SPAG5: variants seen among roughly 807,000 people sequenced by gnomAD.
The protein encoded by SPAG5 is sperm associated antigen 5.
Under a neutral mutation model 145.4 loss-of-function variants are expected in SPAG5, and 99 were observed. The ratio of observed to expected loss-of-function variants is 0.68; its 90% CI spans 0.58 to 0.80. The LOEUF is 0.80. Ranked by LOEUF, SPAG5 falls within the 30% of genes least tolerant of loss-of-function variation. The pLI is 0.00. For missense variants in SPAG5, 1,192 were observed against 1,416.0 expected, an observed-to-expected ratio of 0.84 and a Z score of 2.54; for synonymous variants, 477 against 525.4, an observed-to-expected ratio of 0.91 and a Z score of 1.26.
Position 28,585,918 on chromosome 17 carries a change from T to C in SPAG5, c.1686A>G (p.Ala562=). 1 of 1,614,242 alleles carries C rather than the reference T, an allele frequency of 6.2e-7. No individual in the cohort carries two copies. The highest frequency in any genetic ancestry group is 8.5e-7 in the Non-Finnish European group (1 of 1,180,034). ...CTCTGTGCCTTGCCTCCTCCCTTTC[T>C]GCTTTGAGGCTCTGGAGCTTTGCCC... is the stretch of plus-strand genomic sequence containing the variant. The part of the protein sequence containing the change: ...KLRAKLQSLK[A]EREEARHREE... The change falls in exon 7 of 24, where the codon GCA becomes GCG. Residue 562 remains alanine, a synonymous_variant. Transcript: ENST00000321765.
At chr17:28,594,594 C>CA (rs2070647235) in intron 2 of SPAG5, among the ~76,000 whole-genome samples, 2 of 151,726 alleles carry the variant, frequency 1.3e-5, no homozygotes, top group African/African-American at 4.8e-5. Flanking sequence ...GACTCCGTCT[C>CA]AAAAAATAAT....
rs771403009 is a variant in SPAG5, at chr17:28,592,912, G to A, written c.332C>T (p.Thr111Ile). 1 of 1,614,088 alleles carries A rather than the reference G, an allele frequency of 6.2e-7. No individual in the cohort carries two copies. Among genetic ancestry groups the A allele is most frequent in the South Asian group, 1.1e-5 (1 of 91,094 alleles). ...PLDPIPQISS[T>I]PKTSEEAVDP... ...TACTGCTTCCTCAGACGTTTTAGGA[G>A]TAGAGCTAATTTGGGGAATTGGATC... The change falls in exon 3 of 24, where the codon ACT becomes ATT. Residue 111 changes from threonine to isoleucine, a missense_variant. Around this residue, in one of 5 missense-constraint regions of SPAG5, gnomAD observed 329 missense variants for 354.0 expected, o/e 0.93. Transcript: ENST00000321765.
chr17:28,594,371 G>A (rs538119894), intron 2 of SPAG5, among the ~76,000 whole-genome samples: 2 of 151,874 alleles, frequency 1.3e-5, no homozygotes, highest in African/African-American at 2.4e-5. Flanking sequence ...TGAGGCGGGC[G>A]GATCACGAGG....
chr17:28,578,147 CAG>C, intron 22 of SPAG5, 57 bp from the exon 23 acceptor site: 1 of 1,609,418 alleles, frequency 6.2e-7, no homozygotes, highest in Non-Finnish European at 8.5e-7. Context: ...CTTGGTAGGA[CAG>C]GGGAAACATG....
Position 28,578,269 on chromosome 17 carries a change from G to A in SPAG5, c.3378C>T (p.Phe1126=), listed in dbSNP as rs966974269. The change falls in exon 22 of 24, where the codon TTC becomes TTT. Residue 1126 remains phenylalanine, a synonymous_variant. Coordinates refer to ENST00000321765, the MANE Select transcript of SPAG5 (RefSeq NM_006461.4). ...TTTCCTTCTCATTTTTCATCTCCAGGAACATCACTCTCAGTTTGTCCACCT... is the reference window on the plus strand; with the variant it reads ...TTTCCTTCTCATTTTTCATCTCCAGAAACATCACTCTCAGTTTGTCCACCT... The part of the protein sequence containing the change: ...SQEVDKLRVM[F]LEMKNEKEKL... The A allele has an allele frequency of 3.1e-6, 5 of 1,614,036 alleles. No individual in the cohort carries two copies. In the African/African-American group the frequency reaches 6.7e-5, roughly 22 times the overall value.
At chr17:28,585,476 C>T (rs2070578393) in intron 8 of SPAG5, 58 bp downstream of exon 8, 2 of 1,613,084 alleles carry the variant, frequency 1.2e-6, no homozygotes, top group African/African-American at 2.7e-5. Flanking sequence ...TGGGAGTATG[C>T]AACTACCCTC....
In SPAG5 at chr17:28,598,988, G is replaced by A. The variant is rs374233952; in HGVS notation, c.-42C>T. The A allele has an allele frequency of 1.9e-6, 3 of 1,598,210 alleles. No homozygotes were observed. The highest frequency in any genetic ancestry group is 2.6e-6 in the Non-Finnish European group (3 of 1,165,804). On this transcript the variant is annotated 5_prime_UTR_variant, in exon 1 of 24. Transcript: ENST00000321765. ...GGCCTATCACGTCTCAGACCAAGTCGAGGACGCCATGTTCACCCGCCGTCT... is the reference window on the plus strand; with the variant it reads ...GGCCTATCACGTCTCAGACCAAGTCAAGGACGCCATGTTCACCCGCCGTCT...
At position 28,578,287 on chromosome 17, in the gene SPAG5, GTCCA is replaced by G. The variant is rs774705507; in HGVS notation, c.3356_3359del (p.Val1119AlafsTer3). On this transcript the variant is annotated frameshift_variant and splice_region_variant, in exon 22 of 24. Transcript: ENST00000321765. LOFTEE classifies it high-confidence loss of function. ...TCTCCAGGAACATCACTCTCAGTTTGTCCACCTAGAAATATGTCCAGATCAACAG... is the reference window on the plus strand; with the variant it reads ...TCTCCAGGAACATCACTCTCAGTTTGCCTAGAAATATGTCCAGATCAACAG... 1 of 1,614,066 alleles carries G rather than the reference GTCCA, an allele frequency of 6.2e-7. No individual in the cohort carries two copies. The highest frequency in any genetic ancestry group is 1.1e-5 in the South Asian group (1 of 91,080).
chr17:28,598,204 A>T (rs1423975643), intron 2 of SPAG5, among the ~76,000 whole-genome samples: 1 of 152,172 alleles, frequency 6.6e-6, no homozygotes, highest in Non-Finnish European at 1.5e-5. Flanking sequence ...ACCTTTCCGT[A>T]AGTGACCCCA....
intron 2 of SPAG5, among the ~76,000 whole-genome samples, chr17:28,594,317 C>T (rs897348401): frequency 3.9e-5 from 6 of 152,116 alleles, no homozygotes; most frequent in African/African-American, 7.2e-5. Context: ...TCAAACAGAC[C>T]GGGCGCAGTG....
intron 2 of SPAG5, 22 bp downstream of exon 2, chr17:28,598,485 GAGA>G (rs2070684479): frequency 6.2e-7 from 1 of 1,611,432 alleles, no homozygotes; most frequent in Non-Finnish European, 8.5e-7. Context: ...CAGCCCAGTC[GAGA>G]AGCTGTCCAG....
rs542342347 is a variant in SPAG5 at position 28,590,009 on chromosome 17, C to G, written c.1437+1689G>C. 2.0e-5 allele frequency among the ~76,000 whole-genome samples: 3 copies of G among 152,242 alleles called. No homozygotes were observed. The East Asian group carries it at 5.8e-4, about 29-fold the overall frequency. On this transcript the variant is annotated intron_variant, in intron 4 of 23. Coordinates refer to ENST00000321765, the MANE Select transcript of SPAG5 (RefSeq NM_006461.4). ...TAAAATTTCCTTTAAATTCCTTTGA[C>G]CGGAAGGCTTTAAAGTGAAAAAGCT... is the stretch of plus-strand genomic sequence containing the variant.
intron 4 of SPAG5, among the ~76,000 whole-genome samples, chr17:28,588,767 T>C (rs1186414267): frequency 1.3e-5 from 2 of 152,086 alleles, no homozygotes; most frequent in African/African-American, 2.4e-5. Context: ...CTGCAACCTC[T>C]ACCTCCTAGG....
Position 28,599,006 on chromosome 17 carries a change from C to T in SPAG5, c.-60G>A. The T allele has an allele frequency of 1.9e-6, 3 of 1,553,306 alleles. No homozygotes were observed. In the South Asian group the frequency reaches 3.3e-5, roughly 17 times the overall value. ...CCAAGTCGAGGACGCCATGTTCACC[C>T]GCCGTCTGTGTTTGAACCTGCTCTG... On this transcript the variant is annotated 5_prime_UTR_variant, in exon 1 of 24. Coordinates refer to ENST00000321765, the MANE Select transcript of SPAG5 (RefSeq NM_006461.4).
In SPAG5 at chr17:28,598,576, G is replaced by A. The variant is rs1219524358; in HGVS notation, c.111C>T (p.Thr37=). The change falls in exon 2 of 24, where the codon ACC becomes ACT. Residue 37 remains threonine (T), a synonymous_variant. Transcript: ENST00000321765. ...AAGCGGGGGATCTTTTTCCAGAGTT[G>A]GTGAGGGCACCGGGCTGCAGGGTAA... ...RELTLQPGAL[T]NSGKRSPACS... is the part of the protein sequence containing the mutation. 6.2e-7 allele frequency: 1 copy of A among 1,613,596 alleles called. No homozygotes were observed. Among genetic ancestry groups the A allele is most frequent in the African/African-American group, 1.3e-5 (1 of 74,864 alleles).
Position 28,580,067 on chromosome 17 carries a change from G to C in SPAG5, c.2739C>G (p.His913Gln), listed in dbSNP as rs2070540432. The change falls in exon 16 of 24, where the codon CAC becomes CAG. Residue 913 changes from histidine to glutamine, a missense_variant. His to Gln is a conservative substitution (Grantham distance 24). Coordinates refer to ENST00000321765, the MANE Select transcript of SPAG5 (RefSeq NM_006461.4). Reference sequence around the variant, plus strand: ...GGAAGGTCCTGTCATTAGGCAGAGGGTGTTCCTGGGTGGGAGGACAGGCTG... The same window carrying C: ...GGAAGGTCCTGTCATTAGGCAGAGGCTGTTCCTGGGTGGGAGGACAGGCTG... ...LSTACPPTQE[H>Q]PLPNDRTFLG... The C allele has an allele frequency of 6.2e-7, 1 of 1,614,070 alleles. No homozygotes were observed. Among genetic ancestry groups the C allele is most frequent in the South Asian group, 1.1e-5 (1 of 91,064 alleles).
intron 4 of SPAG5, among the ~76,000 whole-genome samples, chr17:28,589,161 C>T (rs1015825365): frequency 1.3e-5 from 2 of 148,888 alleles, no homozygotes; most frequent in African/African-American, 5.0e-5. Context: ...TGCAGTGGCG[C>T]GATCTTGGCT....
In SPAG5 at chr17:28,585,234, A is replaced by T; in HGVS notation, c.1954-19T>A. 1 of 1,612,736 alleles carries T rather than the reference A, an allele frequency of 6.2e-7. No homozygotes were observed. Among genetic ancestry groups the T allele is most frequent in the Non-Finnish European group, 8.5e-7 (1 of 1,178,704 alleles). Reference sequence around the variant, plus strand: ...TTGTATACTACCAGGGGAAGCAAGCAGGTCAGTAGAGCACACTTGAGGCAA... The same window carrying T: ...TTGTATACTACCAGGGGAAGCAAGCTGGTCAGTAGAGCACACTTGAGGCAA... On this transcript the variant is annotated intron_variant, in intron 9 of 23. Transcript: ENST00000321765.
chr17:28,590,268 T>C lies in SPAG5; in HGVS notation c.1437+1430A>G, dbSNP rs113403338. On this transcript the variant is annotated intron_variant, in intron 4 of 23. Coordinates refer to ENST00000321765, the MANE Select transcript of SPAG5 (RefSeq NM_006461.4). ...TTTTTGAGGCAGGGTCTGGCTCTGT[T>C]GCCCAGGCTGGAGTGCAGTGTCAAG... Among the ~76,000 whole-genome samples the C allele has an allele frequency of 1.8e-3, 280 of 152,222 alleles. 3 individuals are homozygous for C. The highest frequency in any genetic ancestry group is 5.8e-3 in the African/African-American group (243 of 41,548).
Sources: allele counts gnomAD v4.1 joint callset (sites outside exome capture counted in the v4.1 genomes callset), GRCh38; gene constraint gnomAD v4.1.1; regional missense constraint gnomAD v4.1.1; transcripts MANE v1.5; gene names NCBI Gene and HGNC (gene_info 2026-07-23, HGNC 2026-07-21).